The following GRID2 variants were observed in gnomAD, a reference collection of about 807,000 sequenced individuals.
GRID2 encodes glutamate ionotropic receptor delta type subunit 2, also known as glutamate receptor ionotropic, delta-2.
A neutral mutation model predicts 114.8 loss-of-function variants in GRID2; 33 were observed. The ratio of observed to expected loss-of-function variants is 0.29; its 90% CI spans 0.22 to 0.38. The LOEUF (loss-of-function observed/expected upper bound fraction) is 0.38. GRID2 is among the 10% of genes least tolerant of loss of function. The pLI is 1.00. For missense variants in GRID2, 1,184 were observed against 1,257.7 expected, an observed-to-expected ratio of 0.94 and a Z score of 0.89; for synonymous variants, 505 against 449.9, an observed-to-expected ratio of 1.12 and a Z score of -1.55.
chr4:92,641,699 G>C (rs577737330), intron 2 of GRID2, among the ~76,000 whole-genome samples: 3 of 151,542 alleles, frequency 2.0e-5, no homozygotes, highest in Non-Finnish European at 4.4e-5. Context: ...AATACAGGGG[G>C]TACATGTGCA....
intron 14 of GRID2, among the ~76,000 whole-genome samples, chr4:93,750,896 A>G (rs1732268702): frequency 6.6e-6 from 1 of 152,368 alleles, no homozygotes; most frequent in East Asian, 1.9e-4. Context: ...ATGAAATATT[A>G]TCTTCTGCTA....
At chr4:93,654,974 C>A (rs1560866587) in intron 14 of GRID2, among the ~76,000 whole-genome samples, 1 of 152,148 alleles carries the variant, frequency 6.6e-6, no homozygotes, top group African/African-American at 2.4e-5. Flanking sequence ...AAATCCAGAT[C>A]CTTTATCATT....
intron 1 of GRID2, among the ~76,000 whole-genome samples, chr4:92,545,128 T>C (rs1484371305): frequency 6.6e-6 from 1 of 152,018 alleles, no homozygotes; most frequent in Non-Finnish European, 1.5e-5. Context: ...GACTTTTAGC[T>C]TCAAACTTTA....
intron 2 of GRID2, among the ~76,000 whole-genome samples, chr4:93,023,584 A>G (rs1158978933): frequency 6.6e-6 from 1 of 151,930 alleles, no homozygotes; most frequent in African/African-American, 2.4e-5. Flanking sequence ...AATAAGCAAT[A>G]CCTGAAATGA....
At chr4:93,391,744 T>C (rs192093042) in intron 8 of GRID2, among the ~76,000 whole-genome samples, 125 of 152,134 alleles carry the variant, frequency 8.2e-4, no homozygotes, top group Middle Eastern at 3.4e-3. Context: ...AGTGGAAACA[T>C]TGAGGAAGAA....
Position 93,013,243 on chromosome 4 carries a change from C to G in GRID2, c.245-71752C>G, listed in dbSNP as rs1447053382. Among the ~76,000 whole-genome samples, 4 of 151,702 alleles carry G rather than the reference C, an allele frequency of 2.6e-5. No individual in the cohort carries two copies. The East Asian group carries it at 7.7e-4, about 29-fold the overall frequency. ...ATCTAAATAAGTAGGTGGATGATCT[C>G]GAGAGATGGTATGGATGATTATTTA... On this transcript the variant is annotated intron_variant, in intron 2 of 15. Transcript: ENST00000282020.
intron 14 of GRID2, among the ~76,000 whole-genome samples, chr4:93,653,170 GA>G (rs956441141): frequency 4.6e-5 from 7 of 152,210 alleles, no homozygotes; most frequent in African/African-American, 9.6e-5. Context: ...AAAATGGGGG[GA>G]AAAAGTTTGG....
chr4:93,251,464 A>G (rs868334747), intron 8 of GRID2, among the ~76,000 whole-genome samples: 13 of 152,312 alleles, frequency 8.5e-5, no homozygotes, highest in Middle Eastern at 3.4e-3. Context: ...AAACTGTATC[A>G]TGTTGAATTA....
intron 2 of GRID2, among the ~76,000 whole-genome samples, chr4:92,750,815 A>G (rs1737416186): frequency 6.6e-6 from 1 of 152,218 alleles, no homozygotes; most frequent in Non-Finnish European, 1.5e-5. Flanking sequence ...GCAATAATTT[A>G]CACAGATATT....
Position 93,721,846 on chromosome 4 carries a change from A to C in GRID2, c.2361-47364A>C, listed in dbSNP as rs545221683. Among the ~76,000 whole-genome samples the C allele has an allele frequency of 2.6e-5, 4 of 152,170 alleles. No individual in the cohort carries two copies. The East Asian group carries it at 5.8e-4, about 22-fold the overall frequency. ...ATAACAGGATTAAGTGAGAAGAGTA[A>C]ATTCTCTAATTTCTAATTCTATAGT... On this transcript the variant is annotated intron_variant, in intron 14 of 15. Transcript: ENST00000282020.
intron 13 of GRID2, among the ~76,000 whole-genome samples, chr4:93,589,019 T>C (rs17277276): frequency 0.033 from 4,957 of 148,892 alleles, 127 homozygotes; most frequent in Middle Eastern, 0.062. Context: ...TTCATGATTC[T>C]GCACTCCCCT....
chr4:92,956,694 C>A (rs1752434430), intron 2 of GRID2, among the ~76,000 whole-genome samples: 1 of 152,136 alleles, frequency 6.6e-6, no homozygotes, highest in Admixed American at 6.6e-5. Context: ...ATGGCTGGAT[C>A]CTACGGTACG....
rs188576847 is a variant in GRID2 at position 92,628,589 on chromosome 4, G to A, written c.244+38303G>A. 2.1e-3 allele frequency among the ~76,000 whole-genome samples: 317 copies of A among 152,130 alleles called. 2 individuals are homozygous for A. Among genetic ancestry groups the A allele is most frequent in the Non-Finnish European group, 3.6e-3 (244 of 67,968 alleles). On this transcript the variant is annotated intron_variant, in intron 2 of 15. Coordinates refer to ENST00000282020, the MANE Select transcript of GRID2 (RefSeq NM_001510.4). ...CCCAGGCTGGTCTCGAACTCCTGAGGAAAGGCGATCTGCCCGCCTCGGCCT... is the reference window on the plus strand; with the variant it reads ...CCCAGGCTGGTCTCGAACTCCTGAGAAAAGGCGATCTGCCCGCCTCGGCCT...
intron 1 of GRID2, among the ~76,000 whole-genome samples, chr4:92,330,867 T>G (rs187707878): frequency 9.7e-4 from 147 of 152,272 alleles, no homozygotes; most frequent in Non-Finnish European, 1.7e-3. Context: ...ACTCATCTTC[T>G]CAAATGTATA....
At chr4:93,512,823 A>C (rs1279663953) in intron 12 of GRID2, among the ~76,000 whole-genome samples, 1 of 152,206 alleles carries the variant, frequency 6.6e-6, no homozygotes, top group African/African-American at 2.4e-5. Context: ...TTCAGGCTGT[A>C]AAGCTAATAT....
intron 1 of GRID2, among the ~76,000 whole-genome samples, chr4:92,554,103 G>C (rs1726733534): frequency 1.3e-5 from 2 of 152,138 alleles, no homozygotes; most frequent in African/African-American, 4.8e-5. Context: ...AGACTAAAGG[G>C]AGCAGAAAAG....
intron 2 of GRID2, among the ~76,000 whole-genome samples, chr4:92,772,564 C>G (rs910289196): frequency 6.6e-6 from 1 of 152,090 alleles, no homozygotes; most frequent in African/African-American, 2.4e-5. Flanking sequence ...TTATTCTTCT[C>G]AATATTTCCA....
chr4:92,631,381 C>A (rs2870640), intron 2 of GRID2, among the ~76,000 whole-genome samples: 60,643 of 151,766 alleles, frequency 0.4, 12,851 homozygotes, highest in African/African-American at 0.55. Context: ...TGAATGAAAC[C>A]CTTGAGTTAT....
intron 7 of GRID2, among the ~76,000 whole-genome samples, chr4:93,232,011 G>C (rs2149502337): frequency 6.6e-6 from 1 of 152,240 alleles, no homozygotes; most frequent in African/African-American, 2.4e-5. Flanking sequence ...TATTTCAGGT[G>C]GTAGAATGCT....
Sources: gnomAD v4.1 joint callset for allele counts (sites outside exome capture counted in the v4.1 genomes callset) on GRCh38, gnomAD v4.1.1 for gene constraint, MANE v1.5 for transcripts, NCBI Gene and HGNC (gene_info 2026-07-23, HGNC 2026-07-21) for gene names.